EXOC6B: variants seen among roughly 807,000 people sequenced by gnomAD.
The protein encoded by EXOC6B is exocyst complex component 6B.
Under a neutral mutation model 113.5 loss-of-function variants are expected in EXOC6B, and 54 were observed. That is an observed-to-expected ratio of 0.48 (90% CI 0.38 to 0.60). The LOEUF (loss-of-function observed/expected upper bound fraction) is 0.60. Ranked by LOEUF, EXOC6B falls within the 20% of genes least tolerant of loss-of-function variation. The pLI, the probability that EXOC6B is intolerant of heterozygous loss-of-function variation, is 0.00. For missense variants in EXOC6B, 797 were observed against 977.5 expected, an observed-to-expected ratio of 0.82 and a Z score of 2.46; for synonymous variants, 357 against 339.0, an observed-to-expected ratio of 1.05 and a Z score of -0.58.
At chr2:72,467,782 T>A (rs542572544) in intron 17 of EXOC6B, among the ~76,000 whole-genome samples, 94 of 152,212 alleles carry the variant, frequency 6.2e-4, no homozygotes, top group African/African-American at 1.9e-3. Context: ...TTATTTATTT[T>A]TTTTTTGAGA....
chr2:72,297,848 T>A (rs1227243934), intron 20 of EXOC6B, among the ~76,000 whole-genome samples: 1 of 152,198 alleles, frequency 6.6e-6, no homozygotes, highest in African/African-American at 2.4e-5. Flanking sequence ...TGCACTGTGG[T>A]CTGAGAGACT....
chr2:72,660,263 T>C (rs1038747465), intron 6 of EXOC6B, among the ~76,000 whole-genome samples: 70 of 152,162 alleles, frequency 4.6e-4, no homozygotes, highest in Non-Finnish European at 6.6e-4. Flanking sequence ...AAATACTTAT[T>C]GTACATATTT....
At chr2:72,640,020 G>A (rs1673115151) in intron 6 of EXOC6B, among the ~76,000 whole-genome samples, 1 of 152,108 alleles carries the variant, frequency 6.6e-6, no homozygotes, top group Non-Finnish European at 1.5e-5. Flanking sequence ...GGGCTGAGAT[G>A]GCTGAAATGA....
intron 1 of EXOC6B, among the ~76,000 whole-genome samples, chr2:72,783,186 GTTT>G (rs200092186): frequency 7.0e-6 from 1 of 142,928 alleles, no homozygotes; most frequent in African/African-American, 2.5e-5. Context: ...GTTTGTTGGG[GTTT>G]TTTTTTTTTG....
At position 72,515,120 on chromosome 2, in the gene EXOC6B, G is replaced by A. The variant is rs769146629; in HGVS notation, c.922C>T (p.Arg308Trp). ...CGGTAGTAATTCTCAAATGTTTCCC[G>A]GGCACCCTGTAAATAAAGAAAAGAA... is the stretch of plus-strand genomic sequence containing the variant. ...CLHIYSVLGA[R>W]ETFENYYRKQ... The change falls in exon 9 of 22, where the codon CGG becomes TGG. Residue 308 changes from arginine to tryptophan, a missense_variant. Transcript: ENST00000272427. The A allele has an allele frequency of 1.1e-5, 17 of 1,599,646 alleles. No individual in the cohort carries two copies. Among genetic ancestry groups the A allele is most frequent in the Admixed American group, 3.4e-5 (2 of 58,196 alleles).
chr2:72,422,185 C>T (rs906508416), intron 18 of EXOC6B, among the ~76,000 whole-genome samples: 3 of 152,332 alleles, frequency 2.0e-5, no homozygotes, highest in East Asian at 1.9e-4. Context: ...CCAGTCCCAT[C>T]GACCACCCAA....
chr2:72,416,227 G>A (rs1558646600), intron 18 of EXOC6B, among the ~76,000 whole-genome samples: 2 of 152,270 alleles, frequency 1.3e-5, no homozygotes, highest in South Asian at 4.1e-4. Context: ...ACTGGGTGGG[G>A]AATTAGAATT....
intron 1 of EXOC6B, among the ~76,000 whole-genome samples, chr2:72,789,176 A>G (rs754607564): frequency 9.9e-5 from 15 of 152,260 alleles, no homozygotes; most frequent in Non-Finnish European, 2.1e-4. Flanking sequence ...TTCTGTACTT[A>G]GCACTATCAA....
intron 1 of EXOC6B, among the ~76,000 whole-genome samples, chr2:72,813,331 C>T (rs1465662785): frequency 3.3e-5 from 5 of 152,188 alleles, no homozygotes; most frequent in Non-Finnish European, 5.9e-5. Context: ...TCAAGTGATC[C>T]TCCTGCTCAG....
chr2:72,775,221 TCTCCC>T lies in EXOC6B; in HGVS notation c.114-33757_114-33753del, dbSNP rs112922412. On this transcript the variant is annotated intron_variant, in intron 1 of 21. Coordinates refer to ENST00000272427, the MANE Select transcript of EXOC6B (RefSeq NM_015189.3). Reference sequence around the variant, plus strand: ...CACTGGCCATTGGTGATTGGGGCTCTCTCCCCTCCCTGGAGGTTGGGGGAAGAAGT... The same window carrying T: ...CACTGGCCATTGGTGATTGGGGCTCTCTCCCTGGAGGTTGGGGGAAGAAGT... Among the ~76,000 whole-genome samples, 512 of 152,272 alleles carry T rather than the reference TCTCCC, an allele frequency of 3.4e-3. 2 individuals carry two copies. Among genetic ancestry groups the T allele is most frequent in the African/African-American group, 0.012 (488 of 41,564 alleles).
intron 18 of EXOC6B, among the ~76,000 whole-genome samples, chr2:72,425,696 T>C (rs780551618): frequency 6.6e-6 from 1 of 152,198 alleles, no homozygotes; most frequent in Non-Finnish European, 1.5e-5. Context: ...CTGTCTGATT[T>C]TATGTTTAAC....
At chr2:72,218,430 G>A (rs1009543558) in intron 20 of EXOC6B, among the ~76,000 whole-genome samples, 51 of 152,288 alleles carry the variant, frequency 3.3e-4, no homozygotes, top group African/African-American at 1.2e-3. Flanking sequence ...TAATATGTGT[G>A]TGTGTGCATG....
chr2:72,430,091 T>C (rs982911866), intron 18 of EXOC6B, among the ~76,000 whole-genome samples: 5 of 152,172 alleles, frequency 3.3e-5, no homozygotes, highest in African/African-American at 7.2e-5. Context: ...AATAATATAA[T>C]TGCTTTAAAA....
intron 1 of EXOC6B, among the ~76,000 whole-genome samples, chr2:72,754,036 G>A (rs1682233052): frequency 6.6e-6 from 1 of 152,134 alleles, no homozygotes; most frequent in Admixed American, 6.6e-5. Context: ...TGGGACTACA[G>A]GCAGGCACCA....
chr2:72,443,058 G>A (rs1170745206), intron 18 of EXOC6B, among the ~76,000 whole-genome samples: 1 of 152,120 alleles, frequency 6.6e-6, no homozygotes, highest in Admixed American at 6.5e-5. Context: ...AGGGCGCGGT[G>A]CCTCACGCCT....
At chr2:72,228,836 G>A (rs1257715121) in intron 20 of EXOC6B, among the ~76,000 whole-genome samples, 12 of 152,074 alleles carry the variant, frequency 7.9e-5, no homozygotes, top group African/African-American at 2.4e-4. Context: ...CTGAGGAATC[G>A]CCACACTGAC....
chr2:72,394,274 T>G (rs1188177373), intron 18 of EXOC6B, among the ~76,000 whole-genome samples: 1 of 152,092 alleles, frequency 6.6e-6, no homozygotes, highest in African/African-American at 2.4e-5. Flanking sequence ...TATGATTTTG[T>G]TTTTTTATTC....
intron 15 of EXOC6B, among the ~76,000 whole-genome samples, chr2:72,493,488 G>T (rs1445706198): frequency 6.6e-6 from 1 of 151,810 alleles, no homozygotes; most frequent in African/African-American, 2.4e-5. Flanking sequence ...TATCAGAAGT[G>T]TTATTACTAT....
At chr2:72,535,870 CAAAA>C (rs35608008) in intron 8 of EXOC6B, among the ~76,000 whole-genome samples, 2 of 131,494 alleles carry the variant, frequency 1.5e-5, no homozygotes, top group East Asian at 2.1e-4. Context: ...AATTCTGTCT[CAAAA>C]AAAAAAAAAA....
Sources: gnomAD v4.1 joint callset for allele counts (sites outside exome capture counted in the v4.1 genomes callset) on GRCh38, gnomAD v4.1.1 for gene constraint, MANE v1.5 for transcripts, NCBI Gene and HGNC (gene_info 2026-07-23, HGNC 2026-07-21) for gene names.